The following ROBO1 variants were observed in gnomAD, a reference collection of about 807,000 sequenced individuals.
The protein encoded by ROBO1 is roundabout guidance receptor 1, also known as roundabout homolog 1.
Under a neutral mutation model 195.9 loss-of-function variants are expected in ROBO1, and 149 were observed. The ratio of observed to expected loss-of-function variants is 0.76; its 90% CI spans 0.67 to 0.87. ROBO1 has a LOEUF of 0.87. Among genes scored for constraint, ROBO1 ranks in the 40% least tolerant of loss-of-function variants. The pLI is 0.00. For missense variants in ROBO1, 1,933 were observed against 2,068.3 expected (o/e 0.93, Z 1.27); for synonymous variants, 816 against 733.2 (o/e 1.11, Z -1.82).
chr3:79,227,813 T>G (rs890748944), intron 2 of ROBO1, among the ~76,000 whole-genome samples: 2 of 152,150 alleles, frequency 1.3e-5, no homozygotes, highest in Non-Finnish European at 2.9e-5. Context: ...TAAATAATAA[T>G]TAATTAATCT....
At chr3:79,301,700 A>G (rs1309829771) in intron 2 of ROBO1, among the ~76,000 whole-genome samples, 1 of 152,168 alleles carries the variant, frequency 6.6e-6, no homozygotes, top group East Asian at 1.9e-4. Flanking sequence ...TATATAGTAA[A>G]TACTCAAAAC....
chr3:79,757,503 C>CCATATATATATATATA (rs369407395), intron 1 of ROBO1, among the ~76,000 whole-genome samples: 1 of 145,226 alleles, frequency 6.9e-6, no homozygotes, highest in African/African-American at 2.8e-5. Flanking sequence ...CTCTCTCTCT[C>CCATATATATATATATA]TCTCTCCATA....
At chr3:78,884,611 GAGAA>G (rs1164605017) in intron 4 of ROBO1, among the ~76,000 whole-genome samples, 6 of 125,300 alleles carry the variant, frequency 4.8e-5, no homozygotes, top group Admixed American at 1.7e-4. Flanking sequence ...GAGAGAAAGA[GAGAA>G]AGAAAGAGAG....
chr3:79,379,834 C>T (rs1575748790), intron 2 of ROBO1, among the ~76,000 whole-genome samples: 1 of 152,034 alleles, frequency 6.6e-6, no homozygotes, highest in East Asian at 1.9e-4. Flanking sequence ...AATATTGAGC[C>T]CCATTGCAGA....
At chr3:79,562,410 G>A (rs775566602) in intron 2 of ROBO1, among the ~76,000 whole-genome samples, 22 of 151,906 alleles carry the variant, frequency 1.4e-4, no homozygotes, top group South Asian at 4.1e-4. Context: ...GTACATGCGC[G>A]TAACTTATGA....
At chr3:78,938,237 CA>C (rs1251699379) in intron 4 of ROBO1, 1 of 236,946 alleles carries the variant, frequency 4.2e-6, no homozygotes, top group Admixed American at 5.2e-5. Context: ...TGGGCTCAAG[CA>C]ATTCTCTTGC....
chr3:78,788,447 A>T (rs1385856822), intron 4 of ROBO1, among the ~76,000 whole-genome samples: 3 of 147,004 alleles, frequency 2.0e-5, no homozygotes, highest in South Asian at 2.1e-4. Flanking sequence ...TTTTAAAAAA[A>T]AAAAAAAAAA....
intron 27 of ROBO1, among the ~76,000 whole-genome samples, 155 bp from the exon 28 acceptor site, chr3:78,614,955 G>C (rs1476692101): frequency 6.6e-6 from 1 of 152,006 alleles, no homozygotes; most frequent in Non-Finnish European, 1.5e-5. Context: ...GCAAATAACA[G>C]GCTTGTTGTC....
intron 2 of ROBO1, among the ~76,000 whole-genome samples, chr3:79,313,744 T>C (rs2033601598): frequency 6.6e-6 from 1 of 152,286 alleles, no homozygotes; most frequent in Non-Finnish European, 1.5e-5. Flanking sequence ...AATAGGCCCC[T>C]GAGAAAACTC....
At chr3:79,255,789 A>C (rs1238698216) in intron 2 of ROBO1, among the ~76,000 whole-genome samples, 1 of 151,982 alleles carries the variant, frequency 6.6e-6, no homozygotes, top group Non-Finnish European at 1.5e-5. Flanking sequence ...CCCACTTCTC[A>C]TCTCCCCCTC....
intron 10 of ROBO1, among the ~76,000 whole-genome samples, chr3:78,679,091 T>C (rs571289956): frequency 0.014 from 2,152 of 152,264 alleles, 22 homozygotes; most frequent in Non-Finnish European, 0.025. Context: ...ACTATCTCAA[T>C]AGATGCAGAA....
At chr3:79,408,496 A>C (rs1180815272) in intron 2 of ROBO1, among the ~76,000 whole-genome samples, 1 of 152,120 alleles carries the variant, frequency 6.6e-6, no homozygotes, top group East Asian at 1.9e-4. Context: ...TTGGTGCAGA[A>C]ATAAACATGT....
intron 2 of ROBO1, among the ~76,000 whole-genome samples, chr3:79,525,252 T>C (rs1941378528): frequency 6.6e-6 from 1 of 150,576 alleles, no homozygotes; most frequent in Non-Finnish European, 1.5e-5. Context: ...TTACACTATA[T>C]GTATAATGTC....
At chr3:78,953,548 G>A (rs963811706) in intron 3 of ROBO1, among the ~76,000 whole-genome samples, 2 of 151,892 alleles carry the variant, frequency 1.3e-5, no homozygotes, top group African/African-American at 4.8e-5. Flanking sequence ...ACCAAGGGAG[G>A]CAGAAATATT....
chr3:79,405,792 T>C (rs1461537339), intron 2 of ROBO1, among the ~76,000 whole-genome samples: 1 of 152,128 alleles, frequency 6.6e-6, no homozygotes, highest in Non-Finnish European at 1.5e-5. Context: ...TAAAATATGG[T>C]AGTTTGGGAA....
At chr3:78,739,591 T>C (rs906116192) in intron 5 of ROBO1, among the ~76,000 whole-genome samples, 2 of 152,146 alleles carry the variant, frequency 1.3e-5, no homozygotes, top group African/African-American at 4.8e-5. Flanking sequence ...TCTTTTTAGG[T>C]AAGACTTCTA....
At chr3:78,876,613 T>G (rs1054406126) in intron 4 of ROBO1, among the ~76,000 whole-genome samples, 1 of 152,088 alleles carries the variant, frequency 6.6e-6, no homozygotes, top group Non-Finnish European at 1.5e-5. Flanking sequence ...TACATGAAAA[T>G]TCCACATTTA....
intron 1 of ROBO1, among the ~76,000 whole-genome samples, chr3:79,715,065 A>G (rs1281708168): frequency 6.6e-6 from 1 of 152,100 alleles, no homozygotes; most frequent in African/African-American, 2.4e-5. Context: ...TCATGATACA[A>G]TATTAGCAGA....
intron 18 of ROBO1, among the ~76,000 whole-genome samples, chr3:78,654,498 A>C (rs1221632002): frequency 6.6e-6 from 1 of 152,120 alleles, no homozygotes; most frequent in Non-Finnish European, 1.5e-5. Flanking sequence ...TCCCTAATAC[A>C]TTCTTTGTAT....
Sources: gnomAD v4.1 joint callset for allele counts (sites outside exome capture counted in the v4.1 genomes callset) on GRCh38, gnomAD v4.1.1 for gene constraint, MANE v1.5 for transcripts, NCBI Gene and HGNC (gene_info 2026-07-23, HGNC 2026-07-21) for gene names.